NKAIN2: variants seen among roughly 807,000 people sequenced by gnomAD.
NKAIN2 encodes sodium/potassium-transporting ATPase subunit beta-1-interacting protein 2.
In NKAIN2, 14 loss-of-function variants were observed where a neutral mutation model predicts 32.6. The ratio of observed to expected loss-of-function variants is 0.43; its 90% confidence interval spans 0.28 to 0.67. The LOEUF (loss-of-function observed/expected upper bound fraction) is 0.67. Ranked by LOEUF, NKAIN2 falls within the 30% of genes least tolerant of loss-of-function variation. The pLI is 0.17. For synonymous variants in NKAIN2, 80 were observed against 87.2 expected, an observed-to-expected ratio of 0.92 and a Z score of 0.46; for missense variants, 198 against 258.3, an observed-to-expected ratio of 0.77 and a Z score of 1.60.
At chr6:124,783,946 A>G (rs894529324) in intron 4 of NKAIN2, among the ~76,000 whole-genome samples, 2 of 152,160 alleles carry the variant, frequency 1.3e-5, no homozygotes. Flanking sequence ...ACATACAACC[A>G]ATGTATTTGG....
intron 4 of NKAIN2, among the ~76,000 whole-genome samples, chr6:124,738,731 G>T (rs898023488): frequency 6.6e-6 from 1 of 151,790 alleles, no homozygotes; most frequent in South Asian, 2.1e-4. Flanking sequence ...TGGGTTCCTG[G>T]TTCTGAGAGT....
At chr6:124,714,702 T>G (rs715943) in intron 4 of NKAIN2, among the ~76,000 whole-genome samples, 5,274 of 152,250 alleles carry the variant, frequency 0.035, 187 homozygotes, top group African/African-American at 0.08. Flanking sequence ...TACATTGTAG[T>G]TCCCTGAGGC....
At chr6:124,796,535 C>T (rs1780006687) in intron 5 of NKAIN2, among the ~76,000 whole-genome samples, 1 of 152,024 alleles carries the variant, frequency 6.6e-6, no homozygotes. Context: ...CTCACTGGCC[C>T]ATCAGATGCC....
intron 1 of NKAIN2, among the ~76,000 whole-genome samples, chr6:123,915,741 C>A (rs916973540): frequency 6.6e-6 from 1 of 152,100 alleles, no homozygotes; most frequent in African/African-American, 2.4e-5. Flanking sequence ...TGCACGAATT[C>A]TCTTGTGTGT....
At chr6:124,301,047 C>G (rs1796271888) in intron 2 of NKAIN2, among the ~76,000 whole-genome samples, 1 of 152,156 alleles carries the variant, frequency 6.6e-6, no homozygotes, top group Non-Finnish European at 1.5e-5. Flanking sequence ...AACTTTGCAG[C>G]AGCCCCTCCC....
intron 5 of NKAIN2, among the ~76,000 whole-genome samples, chr6:124,817,854 T>A (rs1781234651): frequency 6.6e-6 from 1 of 152,230 alleles, no homozygotes; most frequent in African/African-American, 2.4e-5. Context: ...TTTAAGATGG[T>A]AAACCACATT....
chr6:124,598,133 T>C (rs963847719), intron 3 of NKAIN2, among the ~76,000 whole-genome samples: 4 of 152,200 alleles, frequency 2.6e-5, no homozygotes, highest in African/African-American at 9.6e-5. Context: ...CTAAAAATAC[T>C]TCTGAGAAAC....
intron 5 of NKAIN2, among the ~76,000 whole-genome samples, chr6:124,800,459 GCT>G (rs1237114501): frequency 2.6e-5 from 4 of 152,182 alleles, no homozygotes; most frequent in Admixed American, 6.5e-5. Context: ...GGAGGCCTCC[GCT>G]ATGACTGGTT....
intron 4 of NKAIN2, among the ~76,000 whole-genome samples, chr6:124,742,048 T>A (rs868103103): frequency 3.3e-5 from 5 of 151,966 alleles, no homozygotes; most frequent in Middle Eastern, 6.8e-3. Flanking sequence ...ACTCTATGTT[T>A]CTCATATCCC....
intron 4 of NKAIN2, among the ~76,000 whole-genome samples, chr6:124,761,505 A>C (rs1778265055): frequency 6.6e-6 from 1 of 152,108 alleles, no homozygotes; most frequent in Non-Finnish European, 1.5e-5. Flanking sequence ...GCTCTCATAG[A>C]CACTTTTCTC....
At chr6:124,613,182 T>C (rs1782755372) in intron 3 of NKAIN2, among the ~76,000 whole-genome samples, 1 of 152,052 alleles carries the variant, frequency 6.6e-6, no homozygotes, top group Non-Finnish European at 1.5e-5. Flanking sequence ...CAATGGGAAG[T>C]GAGGCTGAGT....
At chr6:124,099,477 A>C (rs1276380689) in intron 1 of NKAIN2, among the ~76,000 whole-genome samples, 1 of 152,198 alleles carries the variant, frequency 6.6e-6, no homozygotes, top group Non-Finnish European at 1.5e-5. Context: ...TGGATATGAC[A>C]TGTTGCTTAA....
At chr6:124,022,546 G>A (rs2114763644) in intron 1 of NKAIN2, among the ~76,000 whole-genome samples, 1 of 152,176 alleles carries the variant, frequency 6.6e-6, no homozygotes, top group South Asian at 2.1e-4. Context: ...CTTTGCCTAG[G>A]TGGATATAAA....
chr6:124,497,065 A>C (rs1352457499), intron 3 of NKAIN2, among the ~76,000 whole-genome samples: 1 of 152,096 alleles, frequency 6.6e-6, no homozygotes, highest in Non-Finnish European at 1.5e-5. Context: ...GGGAGGGAGA[A>C]AGGTTCACTT....
chr6:123,905,823 G>A (rs527398270), intron 1 of NKAIN2, among the ~76,000 whole-genome samples: 1 of 152,150 alleles, frequency 6.6e-6, no homozygotes, highest in Non-Finnish European at 1.5e-5. Context: ...ATTAGTCCTA[G>A]ATTGAATTAA....
chr6:124,658,483 G>A (rs1049770624), intron 4 of NKAIN2, 97 bp downstream of exon 4: 37 of 1,576,674 alleles, frequency 2.3e-5, no homozygotes, highest in Non-Finnish European at 3.1e-5. Flanking sequence ...TGGGTAAAGT[G>A]TGGCCTTTTT....
At chr6:124,354,690 A>C (rs1444199123) in intron 2 of NKAIN2, among the ~76,000 whole-genome samples, 1 of 152,182 alleles carries the variant, frequency 6.6e-6, no homozygotes, top group East Asian at 1.9e-4. Context: ...TGTATCAGAC[A>C]TATATGTTAG....
intron 4 of NKAIN2, among the ~76,000 whole-genome samples, chr6:124,729,290 A>G (rs1348032637): frequency 2.7e-5 from 4 of 150,024 alleles, no homozygotes; most frequent in Admixed American, 1.3e-4. Flanking sequence ...CTTGATGAAC[A>G]TTGATGCAAA....
chr6:124,323,784 C>CTTTTT (rs1188944631), intron 2 of NKAIN2, among the ~76,000 whole-genome samples: 44 of 115,912 alleles, frequency 3.8e-4, no homozygotes, highest in African/African-American at 1.4e-3. Context: ...TTAATTTTTT[C>CTTTTT]TTTTTTTTTT....
Sources: allele counts gnomAD v4.1 joint callset (sites outside exome capture counted in the v4.1 genomes callset), GRCh38; gene constraint gnomAD v4.1.1; transcripts MANE v1.5; gene names NCBI Gene and HGNC (gene_info 2026-07-23, HGNC 2026-07-21).